CERS6: variants seen among roughly 807,000 people sequenced by gnomAD.
The protein encoded by CERS6 is LAG1 homolog, ceramide synthase 6.
CERS6 carries 26 observed loss-of-function variants against 56.8 expected under a neutral mutation model. That is an observed-to-expected ratio of 0.46 (90% CI 0.34 to 0.63). The LOEUF (loss-of-function observed/expected upper bound fraction) is 0.63, where lower values mean the gene tolerates loss of function less well. CERS6 is among the 30% of genes least tolerant of loss of function. CERS6 has a pLI of 0.01. For missense variants in CERS6, 415 were observed against 467.5 expected, an observed-to-expected ratio of 0.89 and a Z score of 1.04; for synonymous variants, 164 against 173.3, an observed-to-expected ratio of 0.95 and a Z score of 0.42.
chr2:168,496,418 T>C (rs557973683), intron 1 of CERS6, among the ~76,000 whole-genome samples: 83 of 152,234 alleles, frequency 5.5e-4, no homozygotes, highest in Non-Finnish European at 9.4e-4. Context: ...GAGATTGCCT[T>C]ATACTTAGAT....
chr2:168,545,128 CACATGTATTTGTAGAAACACAT>C (rs1369309468), intron 1 of CERS6, among the ~76,000 whole-genome samples: 3 of 151,710 alleles, frequency 2.0e-5, no homozygotes, highest in African/African-American at 7.3e-5. Context: ...TAGAAACACA[CACATGTATTTGTAGAAACACAT>C]ACATGTATTT....
At chr2:168,502,408 T>G (rs1694599243) in intron 1 of CERS6, among the ~76,000 whole-genome samples, 1 of 151,632 alleles carries the variant, frequency 6.6e-6, no homozygotes, top group South Asian at 2.1e-4. Flanking sequence ...GAAAGAGAGG[T>G]AGAGGGTCAA....
At position 168,520,598 on chromosome 2, in the gene CERS6, C is replaced by CT. The variant is rs150724635; in HGVS notation, c.171-26969dup. Among the ~76,000 whole-genome samples the CT allele has an allele frequency of 9.6e-3, 558 of 57,894 alleles. 79 individuals are homozygous for CT. In the East Asian group the frequency reaches 0.097, roughly 10 times the overall value. 38.0% of individuals were successfully genotyped at this position (57,894 alleles called of 152,430 possible). ...TTAACTCTTTAACATTTACAATATC[C>CT]TTTTTTTTTTTTTTTTTTTTTTTTT... is the stretch of plus-strand genomic sequence containing the variant. On this transcript the variant is annotated intron_variant, in intron 1 of 9. Coordinates refer to ENST00000305747, the MANE Select transcript of CERS6 (RefSeq NM_203463.3).
intron 8 of CERS6, among the ~76,000 whole-genome samples, chr2:168,725,316 C>T (rs940338386): frequency 3.9e-5 from 6 of 152,254 alleles, no homozygotes; most frequent in Admixed American, 6.5e-5. Flanking sequence ...GAGTGGGCTC[C>T]GGCCTTGGCC....
intron 4 of CERS6, among the ~76,000 whole-genome samples, chr2:168,640,305 C>G (rs1353458721): frequency 6.6e-6 from 1 of 152,170 alleles, no homozygotes; most frequent in Non-Finnish European, 1.5e-5. Context: ...GCAGTCCCTG[C>G]ATGTTGCTGA....
intron 3 of CERS6, among the ~76,000 whole-genome samples, chr2:168,566,521 T>C (rs934425484): frequency 9.2e-5 from 14 of 152,196 alleles, no homozygotes; most frequent in Admixed American, 1.3e-4. Flanking sequence ...TAATTCATCA[T>C]TGAAAAATGA....
chr2:168,559,733 TCA>T (rs373639774), intron 2 of CERS6, among the ~76,000 whole-genome samples: 1,015 of 66,264 alleles, frequency 0.015, 211 homozygotes, highest in South Asian at 0.083. Context: ...TAGAAAGGTA[TCA>T]TATATATATA....
chr2:168,507,066 G>A (rs1433530112), intron 1 of CERS6, among the ~76,000 whole-genome samples: 1 of 152,092 alleles, frequency 6.6e-6, no homozygotes, highest in Non-Finnish European at 1.5e-5. Flanking sequence ...ATGTGTGTGT[G>A]TGATCTTTAG....
intron 6 of CERS6, among the ~76,000 whole-genome samples, chr2:168,700,794 A>G (rs1222725755): frequency 1.3e-5 from 2 of 152,200 alleles, no homozygotes; most frequent in Non-Finnish European, 2.9e-5. Context: ...GTAAGTGTAA[A>G]TAAGTAAATA....
chr2:168,763,672 T>C (rs987822058), intron 8 of CERS6, among the ~76,000 whole-genome samples: 1 of 152,178 alleles, frequency 6.6e-6, no homozygotes, highest in Non-Finnish European at 1.5e-5. Context: ...ATATGAGTGG[T>C]CTGTGTCTTA....
chr2:168,723,708 A>G (rs1409215230), intron 8 of CERS6, among the ~76,000 whole-genome samples: 1 of 152,244 alleles, frequency 6.6e-6, no homozygotes, highest in African/African-American at 2.4e-5. Flanking sequence ...AGTTTCCTCC[A>G]GGTACACGTG....
chr2:168,506,831 T>A (rs1694686815), intron 1 of CERS6, among the ~76,000 whole-genome samples: 1 of 152,218 alleles, frequency 6.6e-6, no homozygotes, highest in African/African-American at 2.4e-5. Flanking sequence ...CTTAAAAAAT[T>A]TGGCCAGTTT....
intron 8 of CERS6, among the ~76,000 whole-genome samples, chr2:168,755,910 A>G (rs949583943): frequency 1.3e-5 from 2 of 152,214 alleles, no homozygotes; most frequent in Non-Finnish European, 2.9e-5. Flanking sequence ...TCACATTGGT[A>G]TGTGTTTGGT....
intron 4 of CERS6, among the ~76,000 whole-genome samples, chr2:168,641,194 A>G (rs911421585): frequency 2.6e-5 from 4 of 151,864 alleles, no homozygotes; most frequent in African/African-American, 9.7e-5. Context: ...GCCCCATTTC[A>G]CCCTTCTCTG....
At chr2:168,544,315 TACTG>T (rs1190680837) in intron 1 of CERS6, among the ~76,000 whole-genome samples, 1 of 152,230 alleles carries the variant, frequency 6.6e-6, no homozygotes, top group African/African-American at 2.4e-5. Context: ...GAAAGAAATA[TACTG>T]TCTTCTGCTT....
chr2:168,757,580 G>A (rs578231828), intron 8 of CERS6, among the ~76,000 whole-genome samples: 3 of 152,120 alleles, frequency 2.0e-5, no homozygotes, highest in Non-Finnish European at 2.9e-5. Flanking sequence ...TTCCTGTCCA[G>A]GGATAAAGAA....
At chr2:168,542,790 G>A (rs1157526364) in intron 1 of CERS6, among the ~76,000 whole-genome samples, 1 of 152,052 alleles carries the variant, frequency 6.6e-6, no homozygotes, top group Non-Finnish European at 1.5e-5. Flanking sequence ...TCTGCCTCCC[G>A]GGTTCAAGCG....
At chr2:168,764,976 C>T (rs959439684) in intron 8 of CERS6, among the ~76,000 whole-genome samples, 1 of 152,186 alleles carries the variant, frequency 6.6e-6, no homozygotes. Flanking sequence ...CCCAAGTTCC[C>T]TTTCAATGGA....
In CERS6 at chr2:168,561,193, A is replaced by G. The variant is rs1347133687; in HGVS notation, c.278A>G (p.His93Arg). ...TTTTTCTGGTACCTTGTTTCATAGCATCCTGATGAAAAGAGATTGGAAGGC... is the reference window on the plus strand; with the variant it reads ...TTTTTCTGGTACCTTGTTTCATAGCGTCCTGATGAAAAGAGATTGGAAGGC... The part of the protein sequence containing the change: ...LEKVFTAITK[H>R]PDEKRLEGLS... The change falls in exon 3 of 10, where the codon CAT (histidine) becomes CGT (arginine). Residue 93 changes from histidine (H) to arginine (R), a missense_variant and splice_region_variant. By Grantham distance (29) the His-to-Arg change is conservative. Coordinates refer to ENST00000305747, the MANE Select transcript of CERS6 (RefSeq NM_203463.3). 1.2e-6 allele frequency: 2 copies of G among 1,613,862 alleles called. No individual in the cohort carries two copies. Among genetic ancestry groups the G allele is most frequent in the Admixed American group, 1.7e-5 (1 of 60,008 alleles).
Sources: allele counts gnomAD v4.1 joint callset (sites outside exome capture counted in the v4.1 genomes callset), GRCh38; gene constraint gnomAD v4.1.1; transcripts MANE v1.5; gene names NCBI Gene and HGNC (gene_info 2026-07-23, HGNC 2026-07-21).